The following SMPD3 variants were observed in gnomAD, a reference collection of about 807,000 sequenced individuals.
SMPD3 encodes the protein nSMase-2.
Under a neutral mutation model 55.7 loss-of-function variants are expected in SMPD3, and 21 were observed. The ratio of observed to expected loss-of-function variants is 0.38; its 90% CI spans 0.27 to 0.54. The LOEUF is 0.54. Ranked by LOEUF, SMPD3 falls within the 20% of genes least tolerant of loss-of-function variation. SMPD3 has a pLI of 0.80. For synonymous variants in SMPD3, 457 were observed against 404.3 expected (o/e 1.13, Z -1.56); for missense variants, 842 against 899.6 (o/e 0.94, Z 0.82).
rs1396738598 is a variant in SMPD3, at chr16:68,447,068, CGCCGCGCCCGAAGCCCCCCCTCCGCG to C, written c.-269+1259_-269+1284del. On this transcript the variant is annotated intron_variant, in intron 1 of 8. Coordinates refer to ENST00000219334, the MANE Select transcript of SMPD3 (RefSeq NM_018667.4). This position sits in a 1 kb window ranked among gnomAD's most constrained non-coding sequence, Gnocchi z 5.1. ...GGCACGTTTCCGTGGAAGCTGCCCG[CGCCGCGCCCGAAGCCCCCCCTCCGCG>C]GCCGCGCCCCCCGCCCAGCCCGCGG... 6.6e-6 allele frequency among the ~76,000 whole-genome samples: 1 copy of C among 151,910 alleles called. No homozygotes were observed. Among genetic ancestry groups the C allele is most frequent in the African/African-American group, 2.4e-5 (1 of 41,394 alleles).
intron 1 of SMPD3, among the ~76,000 whole-genome samples, chr16:68,411,464 G>A (rs1285455430): frequency 6.6e-6 from 1 of 152,196 alleles, no homozygotes; most frequent in East Asian, 1.9e-4. Context: ...CCTGCTTAGG[G>A]CCTCTCCCAC....
In SMPD3 at chr16:68,371,320, CCCCGT is replaced by C. The variant is rs773071407; in HGVS notation, c.857_861del (p.Asp286GlyfsTer61). 1 of 1,597,740 alleles carries C rather than the reference CCCCGT, an allele frequency of 6.3e-7. No individual in the cohort carries two copies. Among genetic ancestry groups the C allele is most frequent in the African/African-American group, 1.3e-5 (1 of 74,966 alleles). On this transcript the variant is annotated frameshift_variant, in exon 3 of 9. Transcript: ENST00000219334. LOFTEE classifies it high-confidence loss of function. ...GAGGGGCTGCCCAGGCTCCCTGAATCCCCGTCCTGCTGATTATGGTTGGGCGTCTG... is the reference window on the plus strand; with the variant it reads ...GAGGGGCTGCCCAGGCTCCCTGAATCCCTGCTGATTATGGTTGGGCGTCTG...
At chr16:68,386,214 CAAA>C (rs34700652) in intron 2 of SMPD3, among the ~76,000 whole-genome samples, 2 of 99,788 alleles carry the variant, frequency 2.0e-5, no homozygotes, top group Non-Finnish European at 4.3e-5. Flanking sequence ...AGACGGGTCT[CAAA>C]AAAAAAAAAA....
intron 2 of SMPD3, among the ~76,000 whole-genome samples, chr16:68,384,517 C>T (rs1234960513): frequency 6.6e-6 from 1 of 152,172 alleles, no homozygotes; most frequent in Non-Finnish European, 1.5e-5. Flanking sequence ...AACTGAGAGA[C>T]AGGAGGCTCA....
At chr16:68,395,529 T>C (rs566000504) in intron 1 of SMPD3, among the ~76,000 whole-genome samples, 2 of 152,344 alleles carry the variant, frequency 1.3e-5, no homozygotes, top group Admixed American at 1.3e-4. Context: ...CTCAGTCCCA[T>C]AGCCGTCATG....
chr16:68,380,904 G>A (rs1285147303), intron 2 of SMPD3, among the ~76,000 whole-genome samples: 1 of 152,240 alleles, frequency 6.6e-6, no homozygotes, highest in Non-Finnish European at 1.5e-5. Context: ...ACTACACGAT[G>A]TGTAGGCATT....
chr16:68,389,089 G>A (rs190448352), intron 1 of SMPD3, among the ~76,000 whole-genome samples: 6 of 152,304 alleles, frequency 3.9e-5, no homozygotes, highest in East Asian at 3.9e-4. Flanking sequence ...CTTTCATCCC[G>A]GCTGAGCAGG....
At chr16:68,418,533 T>C (rs1453678876) in intron 1 of SMPD3, among the ~76,000 whole-genome samples, 1 of 152,204 alleles carries the variant, frequency 6.6e-6, no homozygotes, top group Non-Finnish European at 1.5e-5. Context: ...CTCACTTTCC[T>C]GATAGGGACA....
chr16:68,433,084 A>C (rs1597667083), intron 1 of SMPD3, among the ~76,000 whole-genome samples: 1 of 152,308 alleles, frequency 6.6e-6, no homozygotes, highest in East Asian at 1.9e-4. Flanking sequence ...GATTACAGGC[A>C]TGAGCCACCA....
chr16:68,437,568 G>A (rs1567811315), intron 1 of SMPD3, among the ~76,000 whole-genome samples: 1 of 152,128 alleles, frequency 6.6e-6, no homozygotes, highest in Admixed American at 6.5e-5. Flanking sequence ...AGAGCATCTG[G>A]AATCCTAGCA....
intron 5 of SMPD3, chr16:68,364,437 GAAGC>G (rs531969198): frequency 2.7e-4 from 85 of 310,400 alleles, no homozygotes; most frequent in African/African-American, 1.7e-3. Context: ...CAGCTGGCTC[GAAGC>G]AAGAGCGCGG....
At chr16:68,412,940 A>T (rs1011559353) in intron 1 of SMPD3, among the ~76,000 whole-genome samples, 2 of 152,252 alleles carry the variant, frequency 1.3e-5, no homozygotes. Flanking sequence ...CATCTTAAAC[A>T]TGTTAACCTC....
At chr16:68,392,597 C>T (rs2090121034) in intron 1 of SMPD3, among the ~76,000 whole-genome samples, 1 of 152,102 alleles carries the variant, frequency 6.6e-6, no homozygotes, top group Non-Finnish European at 1.5e-5. Context: ...TGCAGTGGCT[C>T]ACGCCTGTAA....
At chr16:68,430,531 C>A (rs933887813) in intron 1 of SMPD3, among the ~76,000 whole-genome samples, 1 of 152,242 alleles carries the variant, frequency 6.6e-6, no homozygotes, top group African/African-American at 2.4e-5. Context: ...ATCCTTTCCC[C>A]TGGTCTGGCT....
At chr16:68,413,227 G>A (rs920475715) in intron 1 of SMPD3, among the ~76,000 whole-genome samples, 7 of 152,236 alleles carry the variant, frequency 4.6e-5, no homozygotes, top group Non-Finnish European at 8.8e-5. Context: ...TGTGGGGACC[G>A]ATTTTCTGCC....
chr16:68,361,832 G>C, intron 7 of SMPD3, 73 bp from the exon 8 acceptor site: 1 of 1,448,030 alleles, frequency 6.9e-7, no homozygotes, highest in Non-Finnish European at 9.3e-7. Context: ...TGTGTGTGGA[G>C]CCATGGTCTC....
chr16:68,431,924 AAAAAC>A (rs746334697), intron 1 of SMPD3, among the ~76,000 whole-genome samples: 5 of 152,144 alleles, frequency 3.3e-5, no homozygotes, highest in Admixed American at 6.5e-5. Flanking sequence ...TCTGTCTGAA[AAAAAC>A]AAAACAAAAC....
intron 2 of SMPD3, among the ~76,000 whole-genome samples, chr16:68,383,002 A>T (rs1381833833): frequency 1.3e-5 from 2 of 151,660 alleles, no homozygotes; most frequent in African/African-American, 4.8e-5. Flanking sequence ...GTGCCAGCTA[A>T]TTTTTTTTGT....
At chr16:68,406,873 A>C (rs780296256) in intron 1 of SMPD3, among the ~76,000 whole-genome samples, 14 of 152,188 alleles carry the variant, frequency 9.2e-5, no homozygotes, top group Non-Finnish European at 1.6e-4. Flanking sequence ...ACATTTGCTG[A>C]ACACAGTCAG....
Sources: gnomAD v4.1 joint callset for allele counts (sites outside exome capture counted in the v4.1 genomes callset) on GRCh38, gnomAD v4.1.1 for gene constraint, Gnocchi (gnomAD v3.1) non-coding constraint, MANE v1.5 for transcripts, NCBI Gene and HGNC (gene_info 2026-07-23, HGNC 2026-07-21) for gene names.